Variants in M1AP observed in about 807,000 individuals in gnomAD.
M1AP encodes the protein meiosis 1 arrest protein.
In M1AP, 39 loss-of-function variants were observed where a neutral mutation model predicts 51.2. The observed-to-expected ratio is 0.76, with a 90% CI of 0.59 to 1.00. The LOEUF (loss-of-function observed/expected upper bound fraction) is 1.00. M1AP is among the 50% of genes least tolerant of loss of function. M1AP has a pLI of 0.00. For synonymous variants in M1AP, 251 were observed against 249.2 expected (o/e 1.01, Z -0.07); for missense variants, 545 against 641.2 (o/e 0.85, Z 1.62).
intron 2 of M1AP, among the ~76,000 whole-genome samples, chr2:74,620,024 A>G (rs1214842960): frequency 1.3e-5 from 2 of 152,242 alleles, no homozygotes; most frequent in African/African-American, 2.4e-5. Flanking sequence ...GAAAAATAAG[A>G]AAATTATTCC....
rs1180131082 is a variant in M1AP, at chr2:74,562,263, G to A, written c.1235C>T (p.Pro412Leu). 1 of 1,614,052 alleles carries A rather than the reference G, an allele frequency of 6.2e-7. No individual in the cohort carries two copies. The highest frequency in any genetic ancestry group is 2.2e-5 in the East Asian group (1 of 44,880). The change falls in exon 8 of 11, where the codon CCC (proline) becomes CTC (leucine). Residue 412 changes from proline (P) to leucine (L), a missense_variant. Coordinates refer to ENST00000421985, the MANE Select transcript of M1AP (RefSeq NM_001321739.2). ...ATCATGTGGGTCCTCAGGTAGCAGG[G>A]GGAAGGTGCTGGGCAGCATCAGTTC... ...TRELMLPSTF[P>L]LLPEDPHDDS...
At chr2:74,633,014 T>C (rs937241788) in intron 2 of M1AP, among the ~76,000 whole-genome samples, 8 of 152,186 alleles carry the variant, frequency 5.3e-5, no homozygotes, top group African/African-American at 1.7e-4. Flanking sequence ...CCCTTCCAGA[T>C]CACTCTCTAC....
intron 4 of M1AP, among the ~76,000 whole-genome samples, chr2:74,594,795 T>C (rs1297018223): frequency 6.6e-6 from 1 of 152,162 alleles, no homozygotes; most frequent in East Asian, 1.9e-4. Flanking sequence ...GAGGATCATC[T>C]GAGCCCAGGA....
intron 7 of M1AP, among the ~76,000 whole-genome samples, chr2:74,567,732 T>C (rs145662776): frequency 1.4e-4 from 21 of 152,368 alleles, no homozygotes; most frequent in Non-Finnish European, 2.1e-4. Context: ...TATAGATCTA[T>C]AAAAGCTCCA....
At chr2:74,603,055 TCA>T (rs2104685328) in intron 4 of M1AP, among the ~76,000 whole-genome samples, 1 of 152,302 alleles carries the variant, frequency 6.6e-6, no homozygotes, top group East Asian at 1.9e-4. Context: ...AGCTTCTCTC[TCA>T]CAGATTCATT....
At chr2:74,563,245 T>TGATA (rs1558645699) in intron 7 of M1AP, among the ~76,000 whole-genome samples, 1 of 151,750 alleles carries the variant, frequency 6.6e-6, no homozygotes, top group Non-Finnish European at 1.5e-5. Context: ...GATAGATGAT[T>TGATA]GATAGATAGA....
chr2:74,639,937 G>C (rs535079252), intron 2 of M1AP, 99 bp downstream of exon 2: 5 of 1,044,264 alleles, frequency 4.8e-6, no homozygotes, highest in Non-Finnish European at 7.1e-6. Flanking sequence ...GAAGTAGTGC[G>C]GTTATTGTTA....
chr2:74,598,544 C>T lies in M1AP; in HGVS notation c.595+8511G>A, dbSNP rs1573119357. On this transcript the variant is annotated intron_variant, in intron 4 of 10. Coordinates refer to ENST00000421985, the MANE Select transcript of M1AP (RefSeq NM_001321739.2). ...AAAGATGCATTCACATTGTTATTTA[C>T]AGCTGTGGACCATTCATTTTCAAAA... 2.0e-5 allele frequency among the ~76,000 whole-genome samples: 3 copies of T among 151,530 alleles called. No individual in the cohort carries two copies. In the South Asian group the frequency reaches 6.2e-4, roughly 31 times the overall value.
At chr2:74,592,953 G>A (rs1231783227) in intron 4 of M1AP, among the ~76,000 whole-genome samples, 1 of 152,164 alleles carries the variant, frequency 6.6e-6, no homozygotes, top group Non-Finnish European at 1.5e-5. Context: ...CCTTGAATAT[G>A]TATATAGCTG....
At chr2:74,632,798 C>T (rs1682776880) in intron 2 of M1AP, among the ~76,000 whole-genome samples, 3 of 152,150 alleles carry the variant, frequency 2.0e-5, no homozygotes, top group Admixed American at 2.0e-4. Context: ...GAGCTTCTGA[C>T]AAGTCAGTGG....
At chr2:74,621,525 C>T (rs1309079559) in intron 2 of M1AP, among the ~76,000 whole-genome samples, 1 of 151,960 alleles carries the variant, frequency 6.6e-6, no homozygotes, top group Non-Finnish European at 1.5e-5. Context: ...GTGGCTCACG[C>T]CTGTAATCCT....
At chr2:74,628,876 T>C (rs1682550687) in intron 2 of M1AP, 1 of 431,714 alleles carries the variant, frequency 2.3e-6, no homozygotes, top group South Asian at 2.0e-5. Context: ...GGTCTATTAG[T>C]TGTCTCCTCT....
intron 8 of M1AP, among the ~76,000 whole-genome samples, chr2:74,560,927 C>T (rs1227165951): frequency 6.6e-6 from 1 of 152,102 alleles, no homozygotes; most frequent in Non-Finnish European, 1.5e-5. Context: ...GAGCCAGCAG[C>T]GACGTGGTTC....
chr2:74,631,081 C>G lies in M1AP; in HGVS notation c.240+8955G>C, dbSNP rs149220810. On this transcript the variant is annotated intron_variant, in intron 2 of 10. Transcript: ENST00000421985. ...CCTTTTATTTTCAACCTTTCTGAAT[C>G]ATTTTGTTGTAGCTGTGTCTCTTGA... is the stretch of plus-strand genomic sequence containing the variant. Among the ~76,000 whole-genome samples, 364 of 152,268 alleles carry G rather than the reference C, an allele frequency of 2.4e-3. 2 individuals carry two copies. Among genetic ancestry groups the G allele is most frequent in the African/African-American group, 8.3e-3 (345 of 41,554 alleles).
At chr2:74,618,015 C>T (rs910880025) in intron 2 of M1AP, among the ~76,000 whole-genome samples, 6 of 152,090 alleles carry the variant, frequency 3.9e-5, no homozygotes, top group African/African-American at 1.4e-4. Flanking sequence ...TAACAGCAAA[C>T]GTTTAACCTT....
At chr2:74,648,229 G>C (rs1306959194) in intron 1 of M1AP, 36 bp downstream of exon 1, 1 of 974,646 alleles carries the variant, frequency 1.0e-6, no homozygotes, top group Non-Finnish European at 1.2e-6. Flanking sequence ...GCTGCTCTCG[G>C]GCTGCCCTCC....
chr2:74,588,087 CAG>C (rs1679820590), intron 4 of M1AP, among the ~76,000 whole-genome samples: 4 of 152,172 alleles, frequency 2.6e-5, no homozygotes. Flanking sequence ...TGCTCTTGCC[CAG>C]TCCTCCACAT....
chr2:74,560,063 G>T, intron 9 of M1AP, 88 bp downstream of exon 9: 2 of 1,435,286 alleles, frequency 1.4e-6, no homozygotes, highest in Non-Finnish European at 1.9e-6. Flanking sequence ...GGGCGGTGTT[G>T]GGATGGGGGA....
chr2:74,577,741 T>C (rs1408081104), intron 5 of M1AP, among the ~76,000 whole-genome samples: 1 of 152,150 alleles, frequency 6.6e-6, no homozygotes, highest in East Asian at 1.9e-4. Context: ...AGGAGGGACT[T>C]TGCCTAGGAC....
Sources: gnomAD v4.1 joint callset for allele counts (sites outside exome capture counted in the v4.1 genomes callset) on GRCh38, gnomAD v4.1.1 for gene constraint, MANE v1.5 for transcripts, NCBI Gene and HGNC (gene_info 2026-07-23, HGNC 2026-07-21) for gene names.